The following ZNF124 variants were observed in gnomAD, a reference collection of about 807,000 sequenced individuals.
The protein encoded by ZNF124 is zinc finger protein 124.
In ZNF124, 25 loss-of-function variants were observed where a neutral mutation model predicts 26.6. That is an observed-to-expected ratio of 0.94 (90% CI 0.68 to 1.31). The LOEUF (loss-of-function observed/expected upper bound fraction) is 1.31, where lower values mean the gene tolerates loss of function less well. Among genes scored for constraint, ZNF124 ranks in the 40% most tolerant of loss-of-function variants. The pLI, the probability that ZNF124 is intolerant of heterozygous loss-of-function variation, is 0.00. For synonymous variants in ZNF124, 129 were observed against 133.3 expected, an observed-to-expected ratio of 0.97 and a Z score of 0.22; for missense variants, 444 against 422.2, an observed-to-expected ratio of 1.05 and a Z score of -0.45.
intron 3 of ZNF124, among the ~76,000 whole-genome samples, chr1:247,128,061 A>G (rs1385722657): frequency 1.5e-5 from 2 of 134,266 alleles, no homozygotes; most frequent in Non-Finnish European, 3.3e-5. Context: ...CTGAATTTCC[A>G]GTTTCTTCCT....
At chr1:247,125,965 T>C (rs1272684170) in intron 3 of ZNF124, among the ~76,000 whole-genome samples, 1 of 133,918 alleles carries the variant, frequency 7.5e-6, no homozygotes, top group Non-Finnish European at 1.6e-5. Flanking sequence ...TCATATAAAA[T>C]TCTAGAAAAT....
exon 4 of ZNF124, chr1:247,122,799 C>G (rs1340890229): frequency 6.6e-6 from 1 of 152,114 alleles, no homozygotes; most frequent in Admixed American, 6.5e-5. Flanking sequence ...AACGGTCATC[C>G]CCAGTTATGT....
chr1:247,123,768 T>G, exon 4 of ZNF124: 2 of 687,804 alleles, frequency 2.9e-6, no homozygotes, highest in Non-Finnish European at 5.3e-6. Flanking sequence ...CAGAGGTGCA[T>G]GGGCTTTGGA....
At position 247,156,848 on chromosome 1, in the gene ZNF124, A is replaced by G. The variant is rs1395064811; in HGVS notation, c.774T>C (p.Gly258=). 2 of 1,612,048 alleles carry G rather than the reference A, an allele frequency of 1.2e-6. No individual in the cohort carries two copies. Among genetic ancestry groups the G allele is most frequent in the Admixed American group, 1.7e-5 (1 of 59,818 alleles). Residue 258 remains glycine, a synonymous_variant, in exon 4 of 4, where the codon GGT becomes GGC. Coordinates refer to ENST00000543802, the MANE Select transcript of ZNF124 (RefSeq NM_001297568.2). ...ATTGCTTACATGGATAGGGTTCTTC[A>G]CCAGCATGAGCCTTTATATGTCCTT... ...SLQGHIKAHA[G]EEPYPCKQCG...
chr1:247,168,162 TA>T lies in ZNF124; in HGVS notation c.30+3685del, dbSNP rs553506710. Among the ~76,000 whole-genome samples, 281 of 152,196 alleles carry T rather than the reference TA, an allele frequency of 1.8e-3. No homozygotes were observed. Among genetic ancestry groups the T allele is most frequent in the African/African-American group, 4.5e-3 (188 of 41,494 alleles). On this transcript the variant is annotated intron_variant, in intron 1 of 3. Transcript: ENST00000543802. This position sits in a 1 kb window ranked among gnomAD's most constrained non-coding sequence, Gnocchi z 4.0. ...ACAGTATGAAGATTCCTTAAAGAAC[TA>T]AAAGTAGAACTACCATTCAATCCAG...
chr1:247,164,989 C>T (rs1042797506), intron 1 of ZNF124, among the ~76,000 whole-genome samples: 10 of 151,248 alleles, frequency 6.6e-5, no homozygotes, highest in Admixed American at 1.3e-4. Context: ...TTTCTTGAGA[C>T]GGAGTCTTGC....
At position 247,155,260 on chromosome 1, in the gene ZNF124, C is replaced by A. The variant is rs1157707520; in HGVS notation, c.*1306G>T. 1.3e-5 allele frequency among the ~76,000 whole-genome samples: 2 copies of A among 152,156 alleles called. No individual in the cohort carries two copies. Among genetic ancestry groups the A allele is most frequent in the African/African-American group, 4.8e-5 (2 of 41,436 alleles). The stretch of plus-strand genomic sequence containing the variant: ...ACTCTATTAGCAAAGAAAATAGACT[C>A]ATTTATCAATGGCCAATTAATAACA... On this transcript the variant is annotated 3_prime_UTR_variant, in exon 4 of 4. Coordinates refer to ENST00000543802, the MANE Select transcript of ZNF124 (RefSeq NM_001297568.2).
chr1:247,138,652 C>G (rs1375866654), intron 3 of ZNF124: 1 of 398,276 alleles, frequency 2.5e-6, no homozygotes, highest in African/African-American at 2.1e-5. Context: ...CGATCAATCA[C>G]ATGGCAATTC....
At position 247,155,027 on chromosome 1, in the gene ZNF124, C is replaced by CT. The variant is rs1421472367; in HGVS notation, c.*1538dup. ...AGGAATTTATTTTAAAAACCCTCAG[C>CT]TAACATCATACATGATGATAAGACT... is the stretch of plus-strand genomic sequence containing the variant. On this transcript the variant is annotated 3_prime_UTR_variant, in exon 4 of 4. Transcript: ENST00000543802. Among the ~76,000 whole-genome samples the CT allele has an allele frequency of 6.6e-6, 1 of 152,202 alleles. No individual in the cohort carries two copies. Among genetic ancestry groups the CT allele is most frequent in the East Asian group, 1.9e-4 (1 of 5,200 alleles).
At chr1:247,159,566 T>A in intron 2 of ZNF124, 121 bp downstream of exon 2, 1 of 982,864 alleles carries the variant, frequency 1.0e-6, no homozygotes, top group Non-Finnish European at 1.5e-6. Flanking sequence ...GCACACTGGG[T>A]CCATGCCTCA....
intron 3 of ZNF124, among the ~76,000 whole-genome samples, chr1:247,144,394 T>C (rs1267985607): frequency 6.6e-6 from 1 of 152,202 alleles, no homozygotes; most frequent in Non-Finnish European, 1.5e-5. Flanking sequence ...AATCCCACTT[T>C]GGGCTAGGTT....
Position 247,156,799 on chromosome 1 carries a change from T to G in ZNF124, c.823A>C (p.Ser275Arg), listed in dbSNP as rs1673162401. 6.2e-7 allele frequency: 1 copy of G among 1,613,878 alleles called. No individual in the cohort carries two copies. Among genetic ancestry groups the G allele is most frequent in the Non-Finnish European group, 8.5e-7 (1 of 1,179,952 alleles). ...GTTTTCTCGTGTTTCTGAAGGGAAC[T>G]GGCGTATCTGAAGGCTTTCCCACAT... The part of the protein sequence containing the change: ...KQCGKAFRYA[S>R]SLQKHEKTHI... The change falls in exon 4 of 4, where the codon AGT becomes CGT. Residue 275 changes from serine (S) to arginine (R), a missense_variant. By Grantham distance (110) the Ser-to-Arg change is moderately radical (BLOSUM62 -1). Coordinates refer to ENST00000543802, the MANE Select transcript of ZNF124 (RefSeq NM_001297568.2).
intron 3 of ZNF124, among the ~76,000 whole-genome samples, chr1:247,140,619 A>G (rs925165366): frequency 6.6e-6 from 1 of 152,162 alleles, no homozygotes; most frequent in African/African-American, 2.4e-5. Flanking sequence ...ACTGCAGTGT[A>G]GATTGAGTAC....
rs753195152 is a variant in ZNF124 at position 247,125,008 on chromosome 1, T to A, written c.219-1137A>T. ...TTTTAGTACAGACGAGCTCTCATCA[T>A]GTTTCCCAGGCTGGCAACTCCTGGG... is the stretch of plus-strand genomic sequence containing the variant. On this transcript the variant is annotated intron_variant, in intron 3 of 3. Coordinates refer to the ZNF124 transcript ENST00000472531. Among the ~76,000 whole-genome samples, 4 of 152,086 alleles carry A rather than the reference T, an allele frequency of 2.6e-5. No individual in the cohort carries two copies. In the South Asian group the frequency reaches 8.3e-4, roughly 32 times the overall value.
intron 3 of ZNF124, 79 bp downstream of exon 3, chr1:247,158,927 C>G: frequency 7.4e-7 from 1 of 1,349,852 alleles, no homozygotes; most frequent in Non-Finnish European, 1.0e-6. Context: ...CCATGCCTGG[C>G]CTTGTTTGCT....
chr1:247,159,550 G>T, intron 2 of ZNF124, 137 bp downstream of exon 2: 1 of 803,830 alleles, frequency 1.2e-6, no homozygotes, highest in Non-Finnish European at 1.9e-6. Context: ...AGAAACAAGA[G>T]TCATTGCACA....
At chr1:247,154,719 C>T (rs1673041739), downstream of ZNF124, among the ~76,000 whole-genome samples, 1 of 152,128 alleles carries the variant, frequency 6.6e-6, no homozygotes, top group Non-Finnish European at 1.5e-5. Flanking sequence ...GTCAATTTGG[C>T]TGGGCACAGT....
At position 247,157,263 on chromosome 1, in the gene ZNF124, C is replaced by T. The variant is rs750007775; in HGVS notation, c.359G>A (p.Gly120Glu). The change falls in exon 4 of 4, where the codon GGA (glycine) becomes GAA (glutamate). Residue 120 changes from glycine to glutamate, a missense_variant. Transcript: ENST00000543802. ...HRDTVMHTGN[G>E]HYGCTICEKV... ...CTCACATATTGTACAACCATAATGT[C>T]CATTTCCAGTGTGCATTACTGTGTC... 2 of 1,612,968 alleles carry T rather than the reference C, an allele frequency of 1.2e-6. No individual in the cohort carries two copies. Among genetic ancestry groups the T allele is most frequent in the South Asian group, 2.2e-5 (2 of 90,984 alleles).
At chr1:247,131,534 A>C (rs1672368397) in intron 3 of ZNF124, among the ~76,000 whole-genome samples, 1 of 152,152 alleles carries the variant, frequency 6.6e-6, no homozygotes, top group African/African-American at 2.4e-5. Flanking sequence ...CTAACGTGCT[A>C]AGCTCCCTGG....
Sources: gnomAD v4.1 joint callset for allele counts (sites outside exome capture counted in the v4.1 genomes callset) on GRCh38, gnomAD v4.1.1 for gene constraint, Gnocchi (gnomAD v3.1) non-coding constraint, MANE v1.5 for transcripts, NCBI Gene and HGNC (gene_info 2026-07-23, HGNC 2026-07-21) for gene names.